Variants in SSBP3 observed in about 807,000 individuals in gnomAD.
The protein encoded by SSBP3 is single stranded DNA binding protein 3, also known as single-stranded DNA-binding protein 3.
Under a neutral mutation model 69.6 loss-of-function variants are expected in SSBP3, and 5 were observed. The ratio of observed to expected loss-of-function variants is 0.07; its 90% CI spans 0.04 to 0.15. The LOEUF (loss-of-function observed/expected upper bound fraction) is 0.15, where lower values mean the gene tolerates loss of function less well. Among genes scored for constraint, SSBP3 ranks in the 10% least tolerant of loss-of-function variants. SSBP3 has a pLI of 1.00. For synonymous variants in SSBP3, 196 were observed against 193.4 expected (o/e 1.01, Z -0.11); for missense variants, 312 against 534.0 (o/e 0.58, Z 4.10).
chr1:54,326,828 C>A (rs1048286536), intron 4 of SSBP3, among the ~76,000 whole-genome samples: 1 of 152,148 alleles, frequency 6.6e-6, no homozygotes, highest in African/African-American at 2.4e-5. Context: ...TGAAAATACA[C>A]AAGGATTAGC....
intron 4 of SSBP3, among the ~76,000 whole-genome samples, chr1:54,295,032 A>G (rs184962939): frequency 6.6e-6 from 1 of 152,248 alleles, no homozygotes; most frequent in East Asian, 1.9e-4. Flanking sequence ...GGTTTTTGCA[A>G]TCAGAGACAA....
At position 54,387,994 on chromosome 1, in the gene SSBP3, A is replaced by G. The variant is rs186303392; in HGVS notation, c.276+13867T>C. 4.6e-5 allele frequency among the ~76,000 whole-genome samples: 7 copies of G among 152,402 alleles called. No homozygotes were observed. In the East Asian group the frequency reaches 1.3e-3, roughly 29 times the overall value. ...TTCCCAAATTCACACACGTCACTCA[A>G]GAAGTGGCAAACACTTAAATGTTGT... is the stretch of plus-strand genomic sequence containing the variant. On this transcript the variant is annotated intron_variant, in intron 4 of 17. Transcript: ENST00000610401.
At chr1:54,409,245 A>C (rs1474787881), upstream of SSBP3, among the ~76,000 whole-genome samples, 1 of 151,590 alleles carries the variant, frequency 6.6e-6, no homozygotes, top group African/African-American at 2.4e-5. Flanking sequence ...CCCTCCCTCC[A>C]GTGCCATCTC....
Position 54,258,046 on chromosome 1 carries a change from C to G in SSBP3, c.447+23G>C. The G allele has an allele frequency of 6.4e-7, 1 of 1,568,202 alleles. No individual in the cohort carries two copies. The highest frequency in any genetic ancestry group is 1.2e-5 in the South Asian group (1 of 85,090). ...CTCCGCGCCCCGCGTCCCCGGCGGG[C>G]GGGAGCGCCACGGTGCGTTTACCTG... is the stretch of plus-strand genomic sequence containing the variant. On this transcript the variant is annotated intron_variant, in intron 6 of 17. Coordinates refer to ENST00000610401, the Ensembl canonical transcript of SSBP3. This position sits in a 1 kb window ranked among gnomAD's most constrained non-coding sequence, Gnocchi z 4.5.
chr1:54,303,871 G>A (rs1337227816), intron 4 of SSBP3, among the ~76,000 whole-genome samples: 1 of 152,206 alleles, frequency 6.6e-6, no homozygotes, highest in African/African-American at 2.4e-5. Context: ...GTATATTACT[G>A]TAACTAATTT....
intron 14 of SSBP3, among the ~76,000 whole-genome samples, chr1:54,234,721 G>T (rs1334969179): frequency 3.3e-5 from 5 of 151,546 alleles, no homozygotes; most frequent in Non-Finnish European, 7.4e-5. Flanking sequence ...ACTGGTCTCT[G>T]AATTGCCTGA....
intron 9 of SSBP3, among the ~76,000 whole-genome samples, chr1:54,245,293 G>A (rs1337709194): frequency 1.3e-5 from 2 of 152,064 alleles, no homozygotes; most frequent in African/African-American, 4.8e-5. Flanking sequence ...CAGAAAAGGA[G>A]ACTGAAGGTC....
intron 4 of SSBP3, among the ~76,000 whole-genome samples, chr1:54,303,189 G>A (rs1406125534): frequency 6.6e-6 from 1 of 152,222 alleles, no homozygotes; most frequent in Non-Finnish European, 1.5e-5. Context: ...AGAAAGCTCT[G>A]GAGGCCAAGA....
intron 7 of SSBP3, among the ~76,000 whole-genome samples, chr1:54,253,667 G>A (rs1259152779): frequency 6.6e-6 from 1 of 152,216 alleles, no homozygotes; most frequent in Admixed American, 6.5e-5. Context: ...CCCACTGGGG[G>A]TTTGTGGTTT....
chr1:54,408,154 A>G (rs1649898448), upstream of SSBP3, among the ~76,000 whole-genome samples: 1 of 152,062 alleles, frequency 6.6e-6, no homozygotes, highest in Admixed American at 6.6e-5. Context: ...CTCACAGGGG[A>G]AAGGGGCAGA....
intron 4 of SSBP3, among the ~76,000 whole-genome samples, chr1:54,363,039 C>T (rs72912159): frequency 0.024 from 3,616 of 152,178 alleles, 153 homozygotes; most frequent in African/African-American, 0.079. Flanking sequence ...AAAGAGGGTG[C>T]AGTCCTCCCA....
rs1007489968 is a variant in SSBP3, at chr1:54,315,810, C to T, written c.277-34283G>A. On this transcript the variant is annotated intron_variant, in intron 4 of 17. Transcript: ENST00000610401. ...CTGAGTAGCTGAGACTACAGGCTCACGCTACTATGCCCAGCTGATTTTTTT... is the reference window on the plus strand; with the variant it reads ...CTGAGTAGCTGAGACTACAGGCTCATGCTACTATGCCCAGCTGATTTTTTT... Among the ~76,000 whole-genome samples, 6 of 152,106 alleles carry T rather than the reference C, an allele frequency of 3.9e-5. No homozygotes were observed. The East Asian group carries it at 7.8e-4, about 20-fold the overall frequency.
chr1:54,407,451 G>C (rs939988977), upstream of SSBP3, among the ~76,000 whole-genome samples: 2 of 151,900 alleles, frequency 1.3e-5, no homozygotes, highest in African/African-American at 4.8e-5. Flanking sequence ...GGAAATTGAG[G>C]GGGGGGCTGG....
At chr1:54,228,028 G>A (rs953136955) in intron 17 of SSBP3, among the ~76,000 whole-genome samples, 3 of 152,196 alleles carry the variant, frequency 2.0e-5, no homozygotes, top group Admixed American at 6.5e-5. Flanking sequence ...CAGTGCCAGA[G>A]GCATCCAGCC....
intron 4 of SSBP3, among the ~76,000 whole-genome samples, chr1:54,355,305 G>A (rs1646845533): frequency 6.6e-6 from 1 of 152,204 alleles, no homozygotes; most frequent in East Asian, 1.9e-4. Flanking sequence ...TACAAGAGGA[G>A]GGCACCAACC....
At chr1:54,388,842 G>A (rs991638370) in intron 4 of SSBP3, among the ~76,000 whole-genome samples, 12 of 152,190 alleles carry the variant, frequency 7.9e-5, no homozygotes, top group Admixed American at 2.6e-4. Context: ...AGCCATCTCC[G>A]GAGAGAACTC....
intron 9 of SSBP3, among the ~76,000 whole-genome samples, chr1:54,246,111 T>C (rs774175586): frequency 5.6e-4 from 86 of 152,286 alleles, no homozygotes; most frequent in Non-Finnish European, 3.2e-4. Context: ...AAGAGCCCCA[T>C]GTGTTTCCAA....
intron 4 of SSBP3, among the ~76,000 whole-genome samples, chr1:54,348,671 A>T (rs556121292): frequency 6.6e-6 from 1 of 152,304 alleles, no homozygotes; most frequent in African/African-American, 2.4e-5. Flanking sequence ...AAGGTTCTAC[A>T]CGCTGCCTCA....
chr1:54,288,306 C>T (rs1645529758), intron 4 of SSBP3, among the ~76,000 whole-genome samples: 1 of 152,148 alleles, frequency 6.6e-6, no homozygotes, highest in South Asian at 2.1e-4. Context: ...CTGCCCCGGG[C>T]CCTGGACTCC....
Sources: allele counts gnomAD v4.1 joint callset (sites outside exome capture counted in the v4.1 genomes callset), GRCh38; gene constraint gnomAD v4.1.1; non-coding constraint Gnocchi (gnomAD v3.1); transcripts MANE v1.5; gene names NCBI Gene and HGNC (gene_info 2026-07-23, HGNC 2026-07-21).